KCNIP1: variants seen among roughly 807,000 people sequenced by gnomAD.
KCNIP1 encodes the protein A-type potassium channel modulatory protein KCNIP1.
A neutral mutation model predicts 33.0 loss-of-function variants in KCNIP1; 18 were observed. The observed-to-expected ratio is 0.55, with a 90% confidence interval of 0.38 to 0.81. KCNIP1 has a LOEUF of 0.81. Among genes scored for constraint, KCNIP1 ranks in the 30% least tolerant of loss-of-function variants. The pLI, the probability that KCNIP1 is intolerant of heterozygous loss-of-function variation, is 0.00. For missense variants in KCNIP1, 238 were observed against 271.6 expected (o/e 0.88, Z 0.87); for synonymous variants, 93 against 98.3 (o/e 0.95, Z 0.32).
intron 1 of KCNIP1, among the ~76,000 whole-genome samples, chr5:170,517,401 A>G (rs1278691502): frequency 6.6e-6 from 1 of 152,204 alleles, no homozygotes; most frequent in Non-Finnish European, 1.5e-5. Flanking sequence ...GTGAGGACAT[A>G]GAGGCAAACC....
At chr5:170,410,660 A>T (rs761771981) in intron 1 of KCNIP1, among the ~76,000 whole-genome samples, 1 of 152,196 alleles carries the variant, frequency 6.6e-6, no homozygotes, top group South Asian at 2.1e-4. Flanking sequence ...TATAAATACA[A>T]ACAATGGCCC....
intron 1 of KCNIP1, among the ~76,000 whole-genome samples, chr5:170,387,722 C>A (rs1381617761): frequency 1.3e-5 from 2 of 152,168 alleles, no homozygotes; most frequent in Non-Finnish European, 2.9e-5. Flanking sequence ...AATGGGAGAG[C>A]CCATGCCTTT....
At chr5:170,461,923 G>A (rs1756510824) in intron 1 of KCNIP1, among the ~76,000 whole-genome samples, 1 of 152,150 alleles carries the variant, frequency 6.6e-6, no homozygotes, top group African/African-American at 2.4e-5. Flanking sequence ...GTAGGAGAAT[G>A]AAACTGGATC....
chr5:170,735,669 A>C (rs539836085), intron 7 of KCNIP1, 90 bp from the exon 8 acceptor site: 206 of 1,117,636 alleles, frequency 1.8e-4, no homozygotes, highest in Non-Finnish European at 2.7e-4. Context: ...CCATATAGGA[A>C]ACCCATGCTT....
chr5:170,634,196 G>A (rs1329563923), intron 1 of KCNIP1, among the ~76,000 whole-genome samples: 2 of 152,210 alleles, frequency 1.3e-5, no homozygotes, highest in Admixed American at 1.3e-4. Context: ...GGCTGGTAGA[G>A]TGAGGAAATA....
At chr5:170,524,363 G>A (rs1755491606) in intron 1 of KCNIP1, among the ~76,000 whole-genome samples, 1 of 152,178 alleles carries the variant, frequency 6.6e-6, no homozygotes. Context: ...TACATGTGTG[G>A]AAGGGAGGAA....
intron 1 of KCNIP1, among the ~76,000 whole-genome samples, chr5:170,708,788 A>T (rs2113850532): frequency 6.6e-6 from 1 of 152,244 alleles, no homozygotes; most frequent in Non-Finnish European, 1.5e-5. Flanking sequence ...AGTTCCAGCT[A>T]CTCAAGAGGC....
chr5:170,514,632 CT>C (rs146212340), intron 1 of KCNIP1, among the ~76,000 whole-genome samples: 2 of 152,252 alleles, frequency 1.3e-5, no homozygotes, highest in East Asian at 3.9e-4. Flanking sequence ...CCCATGTTGA[CT>C]ACTTTAGTGA....
chr5:170,449,742 A>G (rs1277599646), intron 1 of KCNIP1, among the ~76,000 whole-genome samples: 1 of 152,228 alleles, frequency 6.6e-6, no homozygotes, highest in African/African-American at 2.4e-5. Context: ...CAGCATTGCC[A>G]GGTACTCCTG....
intron 1 of KCNIP1, among the ~76,000 whole-genome samples, chr5:170,608,241 C>T (rs1247990896): frequency 6.6e-6 from 1 of 152,226 alleles, no homozygotes; most frequent in Non-Finnish European, 1.5e-5. Context: ...ACCTTTGCTG[C>T]TGAGAGCTGC....
chr5:170,365,932 T>C (rs1763647859), intron 1 of KCNIP1, among the ~76,000 whole-genome samples: 2 of 152,226 alleles, frequency 1.3e-5, no homozygotes, highest in South Asian at 4.1e-4. Context: ...TATTTGGCTT[T>C]GCTGTTTATC....
At chr5:170,443,543 A>G (rs1756041416) in intron 1 of KCNIP1, among the ~76,000 whole-genome samples, 3 of 152,150 alleles carry the variant, frequency 2.0e-5, no homozygotes, top group Admixed American at 2.0e-4. Context: ...GTTTTGTAGA[A>G]AGGATTCCTT....
At chr5:170,575,866 CT>C (rs910360938) in intron 1 of KCNIP1, among the ~76,000 whole-genome samples, 2 of 152,126 alleles carry the variant, frequency 1.3e-5, no homozygotes, top group Non-Finnish European at 2.9e-5. Context: ...AGGTGGAAAA[CT>C]TTTTTTTCGT....
Position 170,541,822 on chromosome 5 carries a change from A to T in KCNIP1, c.61+37189A>T, listed in dbSNP as rs191150207. On this transcript the variant is annotated intron_variant, in intron 1 of 7. Transcript: ENST00000328939. ...TCTGAGGTCCATTTGCACCTCTCTG[A>T]GGTCCATTTGCACATCTACAAAAAT... 8.5e-5 allele frequency among the ~76,000 whole-genome samples: 13 copies of T among 152,342 alleles called. 1 individual carries two copies. Among genetic ancestry groups the T allele is most frequent in the Admixed American group, 6.5e-4 (10 of 15,306 alleles).
At chr5:170,680,958 G>C in intron 1 of KCNIP1, 1 of 398,464 alleles carries the variant, frequency 2.5e-6, no homozygotes, top group Non-Finnish European at 4.4e-6. Flanking sequence ...AGGCAGACTG[G>C]TGGAAAATAA....
chr5:170,555,235 C>T lies in KCNIP1; in HGVS notation c.61+50602C>T, dbSNP rs369920837. On this transcript the variant is annotated intron_variant, in intron 1 of 7. Transcript: ENST00000328939. ...CGCTCAGCCTACTTTTTGACAGCAT[C>T]GTGGAGGTGATTTCAGAGCGCTTGC... 9.9e-5 allele frequency among the ~76,000 whole-genome samples: 15 copies of T among 152,060 alleles called. No individual in the cohort carries two copies. The East Asian group carries it at 1.7e-3, about 18-fold the overall frequency.
chr5:170,449,944 G>A (rs945326005), intron 1 of KCNIP1, among the ~76,000 whole-genome samples: 1 of 151,734 alleles, frequency 6.6e-6, no homozygotes, highest in Non-Finnish European at 1.5e-5. Flanking sequence ...GGGAGGTTTT[G>A]CAAAAGTTTT....
intron 1 of KCNIP1, among the ~76,000 whole-genome samples, chr5:170,396,567 G>C (rs1310184023): frequency 1.3e-5 from 2 of 152,188 alleles, no homozygotes; most frequent in South Asian, 4.1e-4. Flanking sequence ...GCCCAGAAAG[G>C]CAGGACATCT....
At chr5:170,721,055 C>T (rs1357895141) in intron 3 of KCNIP1, among the ~76,000 whole-genome samples, 1 of 152,220 alleles carries the variant, frequency 6.6e-6, no homozygotes, top group Non-Finnish European at 1.5e-5. Context: ...CTCCATGTGT[C>T]ACATGCCACT....
Sources: gnomAD v4.1 joint callset for allele counts (sites outside exome capture counted in the v4.1 genomes callset) on GRCh38, gnomAD v4.1.1 for gene constraint, MANE v1.5 for transcripts, NCBI Gene and HGNC (gene_info 2026-07-23, HGNC 2026-07-21) for gene names.